Variants in MKLN1 observed in about 807,000 individuals in gnomAD.
The protein encoded by MKLN1 is muskelin.
Under a neutral mutation model 99.0 loss-of-function variants are expected in MKLN1, and 18 were observed. The observed-to-expected ratio is 0.18, with a 90% CI of 0.13 to 0.27. MKLN1 has a LOEUF of 0.27. MKLN1 is among the 10% of genes least tolerant of loss of function. The pLI, the probability that MKLN1 is intolerant of heterozygous loss-of-function variation, is 1.00. For missense variants in MKLN1, 621 were observed against 875.9 expected (o/e 0.71, Z 3.67); for synonymous variants, 288 against 293.2 (o/e 0.98, Z 0.18).
At chr7:131,214,177 TG>T (rs1796945339) in intron 3 of MKLN1, among the ~76,000 whole-genome samples, 1 of 152,132 alleles carries the variant, frequency 6.6e-6, no homozygotes, top group South Asian at 2.1e-4. Context: ...CATGAGCCAC[TG>T]AGCCCAGCCC....
intron 2 of MKLN1, among the ~76,000 whole-genome samples, chr7:131,177,156 T>C (rs1796310686): frequency 6.6e-6 from 1 of 152,212 alleles, no homozygotes; most frequent in African/African-American, 2.4e-5. Context: ...TGATTGATTT[T>C]GTAAATGTTC....
chr7:131,321,499 G>A (rs1798775637), intron 3 of MKLN1, among the ~76,000 whole-genome samples: 1 of 152,078 alleles, frequency 6.6e-6, no homozygotes, highest in Non-Finnish European at 1.5e-5. Context: ...ATGACAGTTG[G>A]TAAGTGTAGC....
At chr7:131,207,394 C>T (rs1200369855) in intron 3 of MKLN1, among the ~76,000 whole-genome samples, 1 of 151,912 alleles carries the variant, frequency 6.6e-6, no homozygotes, top group Admixed American at 6.6e-5. Flanking sequence ...GACAGGGTTT[C>T]GTCATGTTGG....
At chr7:131,455,761 A>G (rs781538653) in intron 12 of MKLN1, among the ~76,000 whole-genome samples, 8 of 152,164 alleles carry the variant, frequency 5.3e-5, no homozygotes, top group Non-Finnish European at 1.0e-4. Flanking sequence ...AAACTGTTAA[A>G]TTGGCCAGGC....
intron 1 of MKLN1, among the ~76,000 whole-genome samples, chr7:131,333,745 T>G (rs2116702820): frequency 6.6e-6 from 1 of 152,132 alleles, no homozygotes; most frequent in East Asian, 1.9e-4. Flanking sequence ...TCCGTGTTGG[T>G]CAGGCTGGTC....
At chr7:131,328,283 G>A (rs1037522902) in intron 1 of MKLN1, 3 of 407,342 alleles carry the variant, frequency 7.4e-6, no homozygotes, top group Admixed American at 7.4e-5. Context: ...TTGGGATTTG[G>A]GGGTTGAGGT....
chr7:131,114,945 A>T (rs950008526), intron 1 of MKLN1, among the ~76,000 whole-genome samples: 5 of 152,144 alleles, frequency 3.3e-5, no homozygotes, highest in Non-Finnish European at 7.4e-5. Flanking sequence ...CAAGAAAAAA[A>T]AAAAAAGCAA....
intron 13 of MKLN1, 75 bp downstream of exon 13, chr7:131,463,439 G>A: frequency 1.4e-6 from 2 of 1,418,174 alleles, no homozygotes; most frequent in African/African-American, 1.4e-5. Flanking sequence ...AAAAAAGAGA[G>A]AAATGAGAGT....
chr7:131,186,843 C>A (rs923798833), intron 2 of MKLN1, among the ~76,000 whole-genome samples: 1 of 152,082 alleles, frequency 6.6e-6, no homozygotes, highest in Admixed American at 6.5e-5. Context: ...ATTGAGTGTG[C>A]GGGCTGAAGG....
chr7:131,124,548 C>T (rs937317321), intron 1 of MKLN1, among the ~76,000 whole-genome samples: 2 of 152,184 alleles, frequency 1.3e-5, no homozygotes, highest in African/African-American at 2.4e-5. Flanking sequence ...CCATTAGTAT[C>T]GGCCCCACCA....
At chr7:131,359,694 GAGAATTGAC>G (rs2116795890) in intron 1 of MKLN1, among the ~76,000 whole-genome samples, 1 of 151,916 alleles carries the variant, frequency 6.6e-6, no homozygotes, top group Non-Finnish European at 1.5e-5. Flanking sequence ...TGTCTTCTTG[GAGAATTGAC>G]AGTTTTTATT....
intron 3 of MKLN1, among the ~76,000 whole-genome samples, chr7:131,224,970 G>T (rs1797123786): frequency 6.6e-6 from 1 of 152,062 alleles, no homozygotes; most frequent in African/African-American, 2.4e-5. Context: ...CTACTCGGGA[G>T]GCTGAGGCAG....
chr7:131,113,287 T>C (rs1008954481), intron 1 of MKLN1, among the ~76,000 whole-genome samples: 2 of 152,056 alleles, frequency 1.3e-5, no homozygotes, highest in Non-Finnish European at 2.9e-5. Context: ...GAAAGTACTA[T>C]GTGTAAAGAC....
intron 2 of MKLN1, among the ~76,000 whole-genome samples, chr7:131,199,839 G>A (rs1338172966): frequency 2.0e-5 from 3 of 151,644 alleles, no homozygotes; most frequent in Non-Finnish European, 4.4e-5. Context: ...GACTACAGGT[G>A]CGTGCCACCA....
intron 3 of MKLN1, among the ~76,000 whole-genome samples, chr7:131,287,713 C>T (rs1354169696): frequency 2.0e-5 from 3 of 151,994 alleles, no homozygotes; most frequent in Non-Finnish European, 4.4e-5. Flanking sequence ...TATGGTTAGG[C>T]TTTGTGTCCC....
intron 2 of MKLN1, among the ~76,000 whole-genome samples, chr7:131,199,259 A>G (rs1157062474): frequency 9.1e-6 from 1 of 109,500 alleles, no homozygotes; most frequent in Non-Finnish European, 1.9e-5. Context: ...CTCACATTAA[A>G]AAAAAAAAAA....
chr7:131,443,788 G>A, intron 11 of MKLN1, 86 bp downstream of exon 11: 3 of 1,026,498 alleles, frequency 2.9e-6, no homozygotes, highest in Non-Finnish European at 4.5e-6. Flanking sequence ...AATTCTTTAG[G>A]AAGAGATTAG....
intron 5 of MKLN1, among the ~76,000 whole-genome samples, chr7:131,398,573 A>G (rs1467037205): frequency 2.0e-5 from 3 of 152,118 alleles, no homozygotes. Flanking sequence ...GCGTGCCTGT[A>G]AGCTCAGCTA....
intron 11 of MKLN1, among the ~76,000 whole-genome samples, chr7:131,444,743 AGTAGTAGTAGT>A (rs2116512984): frequency 7.9e-6 from 1 of 126,180 alleles, no homozygotes; most frequent in Admixed American, 8.0e-5. Context: ...TAGTAGTAGT[AGTAGTAGTAGT>A]AGTAGAAGAA....
Sources: allele counts gnomAD v4.1 joint callset (sites outside exome capture counted in the v4.1 genomes callset), GRCh38; gene constraint gnomAD v4.1.1; transcripts MANE v1.5; gene names NCBI Gene and HGNC (gene_info 2026-07-23, HGNC 2026-07-21).